The following CIT variants were observed in gnomAD, a reference collection of about 807,000 sequenced individuals.
CIT encodes the protein citron rho-interacting serine/threonine kinase, also known as citron Rho-interacting kinase.
A neutral mutation model predicts 272.7 loss-of-function variants in CIT; 79 were observed. The ratio of observed to expected loss-of-function variants is 0.29; its 90% CI spans 0.24 to 0.35. The LOEUF (loss-of-function observed/expected upper bound fraction) is 0.35. CIT is among the 10% of genes least tolerant of loss of function. CIT has a pLI of 1.00. For synonymous variants in CIT, 948 were observed against 995.6 expected, an observed-to-expected ratio of 0.95 and a Z score of 0.90; for missense variants, 1,909 against 2,618.3, an observed-to-expected ratio of 0.73 and a Z score of 5.91.
intron 3 of CIT, among the ~76,000 whole-genome samples, chr12:119,858,852 G>A (rs1011330215): frequency 5.3e-5 from 8 of 151,962 alleles, no homozygotes; most frequent in African/African-American, 1.9e-4. Context: ...TGGGCAGAAG[G>A]GCTTAGCACT....
At chr12:119,738,277 T>C (rs541979985) in intron 24 of CIT, among the ~76,000 whole-genome samples, 1 of 152,294 alleles carries the variant, frequency 6.6e-6, no homozygotes, top group East Asian at 1.9e-4. Flanking sequence ...GGAGGTAAGA[T>C]ATATTGACCA....
At chr12:119,716,848 C>G (rs922580444) in intron 32 of CIT, among the ~76,000 whole-genome samples, 2 of 152,162 alleles carry the variant, frequency 1.3e-5, no homozygotes, top group African/African-American at 4.8e-5. Context: ...AAATGGCCAT[C>G]AACAGGAGCC....
chr12:119,700,394 T>C (rs919257512), intron 44 of CIT, among the ~76,000 whole-genome samples: 1 of 152,168 alleles, frequency 6.6e-6, no homozygotes, highest in Admixed American at 6.5e-5. Flanking sequence ...TTTTTTGTTG[T>C]TTTTTTGAGA....
intron 8 of CIT, among the ~76,000 whole-genome samples, chr12:119,824,209 A>T (rs1967981811): frequency 6.6e-6 from 1 of 151,134 alleles, no homozygotes; most frequent in Admixed American, 6.6e-5. Context: ...GTAATACCAT[A>T]TTCAACAGTT....
chr12:119,847,875 T>C (rs1463712073), intron 5 of CIT, among the ~76,000 whole-genome samples: 1 of 152,074 alleles, frequency 6.6e-6, no homozygotes, highest in African/African-American at 2.4e-5. Flanking sequence ...TGGGTAACAC[T>C]AGCCTGGGTG....
At chr12:119,764,607 CAA>C (rs747882945) in intron 19 of CIT, among the ~76,000 whole-genome samples, 26 of 59,570 alleles carry the variant, frequency 4.4e-4, no homozygotes, top group Non-Finnish European at 7.5e-4. Flanking sequence ...GATCCTGTCT[CAA>C]AAAAAAAAAA....
intron 24 of CIT, among the ~76,000 whole-genome samples, chr12:119,741,146 C>T (rs1959037957): frequency 7.0e-6 from 1 of 141,976 alleles, no homozygotes; most frequent in East Asian, 2.0e-4. Flanking sequence ...AGAAACACCA[C>T]ACAGTGATAA....
intron 30 of CIT, among the ~76,000 whole-genome samples, chr12:119,719,732 G>C (rs1957732376): frequency 1.3e-5 from 2 of 152,284 alleles, no homozygotes; most frequent in South Asian, 4.1e-4. Context: ...TGCCACTGCT[G>C]CTATGGTATG....
intron 4 of CIT, among the ~76,000 whole-genome samples, chr12:119,850,569 T>A (rs1970158244): frequency 6.6e-6 from 1 of 152,058 alleles, no homozygotes; most frequent in Admixed American, 6.6e-5. Context: ...ATTGCATAAA[T>A]CTCAATCATT....
At position 119,857,629 on chromosome 12, in the gene CIT, A is replaced by G. The variant is rs1239947054; in HGVS notation, c.308T>C (p.Val103Ala). Residue 103 changes from valine to alanine, a missense_variant, in exon 4 of 48, where the codon GTA becomes GCA. Physicochemically the swap from Val to Ala is moderately conservative, Grantham distance 64 (BLOSUM62 0). Around this residue, in one of 8 missense-constraint regions of CIT, gnomAD observed 529 missense variants for 549.6 expected, o/e 0.96. Coordinates refer to ENST00000392521, the MANE Select transcript of CIT (RefSeq NM_001206999.2). ...CACTTCAGCAAAGTGACCACAACCT[A>G]CAAGACTTCTGACTTCGAAGTCCTT... ...SAKDFEVRSLVGCGHFAEVQV... is the reference protein window; with the variant it reads ...SAKDFEVRSLAGCGHFAEVQV... The G allele has an allele frequency of 3.1e-6, 5 of 1,614,116 alleles. No individual in the cohort carries two copies. The African/African-American group carries it at 4.0e-5, about 13-fold the overall frequency.
intron 3 of CIT, among the ~76,000 whole-genome samples, chr12:119,864,793 G>T (rs1478685713): frequency 6.6e-6 from 1 of 152,154 alleles, no homozygotes; most frequent in African/African-American, 2.4e-5. Context: ...TGGGCACTGG[G>T]GATGTAAGAG....
At chr12:119,763,432 T>C (rs545552721) in intron 19 of CIT, among the ~76,000 whole-genome samples, 1 of 152,274 alleles carries the variant, frequency 6.6e-6, no homozygotes, top group Admixed American at 6.5e-5. Context: ...TCTCACTTTG[T>C]TACACAGACT....
chr12:119,829,103 AG>A (rs1292998416), intron 7 of CIT, among the ~76,000 whole-genome samples: 1 of 152,144 alleles, frequency 6.6e-6, no homozygotes, highest in African/African-American at 2.4e-5. Context: ...TGAGGAAGAA[AG>A]AAAACCAATG....
chr12:119,714,110 G>A, intron 33 of CIT, 87 bp downstream of exon 33: 1 of 1,500,964 alleles, frequency 6.7e-7, no homozygotes, highest in Non-Finnish European at 9.1e-7. Flanking sequence ...TATATGATGA[G>A]TTAGAAAAAA....
intron 7 of CIT, among the ~76,000 whole-genome samples, chr12:119,825,678 C>G (rs1486000678): frequency 2.6e-5 from 4 of 152,158 alleles, no homozygotes; most frequent in Non-Finnish European, 5.9e-5. Flanking sequence ...TTTCCTAATA[C>G]AAGTTATTGA....
At chr12:119,742,605 A>C in intron 23 of CIT, 141 bp from the exon 24 acceptor site, 1 of 574,782 alleles carries the variant, frequency 1.7e-6, no homozygotes, top group South Asian at 2.4e-5. Flanking sequence ...GAACTAATTA[A>C]TCAAATCATC....
chr12:119,825,427 C>T lies in CIT; in HGVS notation c.754-59G>A, dbSNP rs887087838. On this transcript the variant is annotated intron_variant, in intron 7 of 47. Transcript: ENST00000392521. ...CTTTCAATTATCCTCAAGTAGACTGCCAACAGCCACATTTCAGACACAAGC... is the reference window on the plus strand; with the variant it reads ...CTTTCAATTATCCTCAAGTAGACTGTCAACAGCCACATTTCAGACACAAGC... 18 of 1,472,360 alleles carry T rather than the reference C, an allele frequency of 1.2e-5. No homozygotes were observed. In the Admixed American group the frequency reaches 3.2e-4, roughly 26 times the overall value. 91.2% of individuals were successfully genotyped at this position (1,472,360 alleles called of 1,614,324 possible).
chr12:119,873,762 C>T (rs1280445678), intron 2 of CIT, among the ~76,000 whole-genome samples: 1 of 117,700 alleles, frequency 8.5e-6, no homozygotes, highest in Non-Finnish European at 1.7e-5. Flanking sequence ...TGTTTAAACA[C>T]CCAATACCAA....
chr12:119,810,393 G>T (rs542333003), intron 9 of CIT, among the ~76,000 whole-genome samples: 5 of 152,214 alleles, frequency 3.3e-5, no homozygotes, highest in African/African-American at 9.6e-5. Context: ...CCACATTCAG[G>T]TTACAGAAAG....
Sources: allele counts gnomAD v4.1 joint callset (sites outside exome capture counted in the v4.1 genomes callset), GRCh38; gene constraint gnomAD v4.1.1; regional missense constraint gnomAD v4.1.1; transcripts MANE v1.5; gene names NCBI Gene and HGNC (gene_info 2026-07-23, HGNC 2026-07-21).